Variants in NUDT7 observed in about 807,000 individuals in gnomAD.
NUDT7 encodes peroxisomal coenzyme A diphosphatase NUDT7.
A neutral mutation model predicts 13.1 loss-of-function variants in NUDT7; 19 were observed. That is an observed-to-expected ratio of 1.45 (90% CI 1.01 to 2.13). The LOEUF is 2.13. Among genes scored for constraint, NUDT7 ranks in the 30% most tolerant of loss-of-function variants. The pLI is 0.00. For missense variants in NUDT7, 360 were observed against 291.7 expected, an observed-to-expected ratio of 1.23 and a Z score of -1.71; for synonymous variants, 132 against 109.7, an observed-to-expected ratio of 1.20 and a Z score of -1.27.
intron 1 of NUDT7, among the ~76,000 whole-genome samples, 192 bp from the exon 2 acceptor site, chr16:77,725,239 T>C (rs3743756): frequency 0.12 from 18,250 of 152,222 alleles, 1,171 homozygotes; most frequent in East Asian, 0.23. Flanking sequence ...GAAGGTTTTT[T>C]TGTCATTTTC....
At chr16:77,725,721 A>G (rs1378937899) in intron 2 of NUDT7, 137 bp downstream of exon 2, 22 of 662,136 alleles carry the variant, frequency 3.3e-5, no homozygotes, top group Admixed American at 6.0e-5. Flanking sequence ...GCATACAACC[A>G]CAAGCCACAG....
chr16:77,727,582 C>CGGTG (rs1380035737), intron 2 of NUDT7, among the ~76,000 whole-genome samples: 5 of 152,180 alleles, frequency 3.3e-5, no homozygotes, highest in Non-Finnish European at 7.3e-5. Context: ...TGGCCGTGTG[C>CGGTG]GGTGGCTCAC....
chr16:77,724,938 G>A (rs1597109808), intron 1 of NUDT7, among the ~76,000 whole-genome samples: 1 of 152,278 alleles, frequency 6.6e-6, no homozygotes, highest in East Asian at 1.9e-4. Context: ...TCACAGTCTG[G>A]GACTGAACCT....
chr16:77,725,032 TAA>T (rs1041238276), intron 1 of NUDT7, among the ~76,000 whole-genome samples: 3 of 152,188 alleles, frequency 2.0e-5, no homozygotes, highest in Non-Finnish European at 4.4e-5. Flanking sequence ...GTTGAAGACA[TAA>T]GAGTTTGAGA....
intron 2 of NUDT7, chr16:77,735,540 T>C: frequency 1.8e-6 from 1 of 545,592 alleles, no homozygotes; most frequent in Non-Finnish European, 3.3e-6. Context: ...CTTTATAAAC[T>C]ACCCAGTCTC....
intron 2 of NUDT7, among the ~76,000 whole-genome samples, chr16:77,733,058 A>G (rs1044264564): frequency 2.6e-5 from 4 of 152,188 alleles, no homozygotes; most frequent in African/African-American, 9.7e-5. Context: ...GAAGATGTCT[A>G]AGGATTTAGC....
At chr16:77,725,347 C>A in intron 1 of NUDT7, 84 bp from the exon 2 acceptor site, 1 of 1,289,896 alleles carries the variant, frequency 7.8e-7, no homozygotes, top group Non-Finnish European at 1.1e-6. Context: ...AAATACACAA[C>A]AAAGCAGAAA....
At chr16:77,734,623 AAAAAG>A (rs369228495) in intron 2 of NUDT7, among the ~76,000 whole-genome samples, 11 of 152,304 alleles carry the variant, frequency 7.2e-5, no homozygotes, top group East Asian at 3.9e-4. Flanking sequence ...CTCCATGTCA[AAAAAG>A]AAAAGAAAAG....
At chr16:77,739,075 G>A (rs1475478602) in intron 3 of NUDT7, among the ~76,000 whole-genome samples, 1 of 152,142 alleles carries the variant, frequency 6.6e-6, no homozygotes, top group African/African-American at 2.4e-5. Flanking sequence ...ACATTGTTGG[G>A]GCTCTGTCCA....
rs1289293755 is a variant in NUDT7 at position 77,722,600 on chromosome 16, TC to T, written c.21del (p.Glu8ArgfsTer9). 2.5e-6 allele frequency: 4 copies of T among 1,594,002 alleles called. No individual in the cohort carries two copies. The highest frequency in any genetic ancestry group is 3.4e-6 in the Non-Finnish European group (4 of 1,169,878). On this transcript the variant is annotated frameshift_variant, in exon 1 of 4. Coordinates refer to ENST00000268533, the MANE Select transcript of NUDT7 (RefSeq NM_001105663.3). LOFTEE classifies it high-confidence loss of function. ...CCAGGGCAATGTCACGACTTGGTCT[TC>T]CCGAGGAGCCAGTCAGGTAAAGGCT... MSRLGL[P>X]EEPVRNSLLD...
intron 2 of NUDT7, among the ~76,000 whole-genome samples, chr16:77,728,905 C>T (rs973032443): frequency 2.6e-5 from 3 of 116,208 alleles, no homozygotes; most frequent in South Asian, 5.4e-4. Context: ...TTCTCCCCCA[C>T]ACCCTTGACC....
chr16:77,727,666 C>G (rs1028007084), intron 2 of NUDT7, among the ~76,000 whole-genome samples: 1 of 152,242 alleles, frequency 6.6e-6, no homozygotes. Context: ...ACCAGTCTGG[C>G]CAACATGGCG....
intron 3 of NUDT7, 101 bp downstream of exon 3, chr16:77,736,087 T>A: frequency 8.9e-7 from 1 of 1,124,398 alleles, no homozygotes; most frequent in African/African-American, 1.5e-5. Flanking sequence ...CAAAGAGTAC[T>A]GTACATAAAG....
chr16:77,723,137 TC>T (rs66894764), intron 1 of NUDT7, among the ~76,000 whole-genome samples: 35,056 of 152,118 alleles, frequency 0.23, 4,499 homozygotes, highest in East Asian at 0.35. Flanking sequence ...TGGTGATTAT[TC>T]CAGCGGCCAG....
chr16:77,734,651 G>A (rs2014423156), intron 2 of NUDT7, among the ~76,000 whole-genome samples: 1 of 151,980 alleles, frequency 6.6e-6, no homozygotes, highest in Non-Finnish European at 1.5e-5. Flanking sequence ...TAGCTTACCT[G>A]CCCATCAATG....
chr16:77,725,133 A>G (rs1167943163), intron 1 of NUDT7, among the ~76,000 whole-genome samples: 1 of 152,260 alleles, frequency 6.6e-6, no homozygotes, highest in Admixed American at 6.5e-5. Flanking sequence ...TCTGAATATA[A>G]TTATGGGTTT....
intron 3 of NUDT7, chr16:77,736,811 TACTA>T (rs1389394309): frequency 1.3e-5 from 2 of 159,998 alleles, no homozygotes; most frequent in Non-Finnish European, 2.8e-5. Context: ...CTCATTGTTT[TACTA>T]ACTGACTTTA....
At chr16:77,734,778 A>AAAATGCCAG (rs895939461) in intron 2 of NUDT7, among the ~76,000 whole-genome samples, 3 of 152,234 alleles carry the variant, frequency 2.0e-5, no homozygotes, top group African/African-American at 7.2e-5. Flanking sequence ...TGTGAAGGGA[A>AAAATGCCAG]AAATGCCAGA....
intron 2 of NUDT7, among the ~76,000 whole-genome samples, chr16:77,727,454 G>A (rs2014172914): frequency 6.6e-6 from 1 of 152,246 alleles, no homozygotes; most frequent in Non-Finnish European, 1.5e-5. Context: ...GGACATGATA[G>A]AAATCCAGGT....
Sources: gnomAD v4.1 joint callset for allele counts (sites outside exome capture counted in the v4.1 genomes callset) on GRCh38, gnomAD v4.1.1 for gene constraint, MANE v1.5 for transcripts, NCBI Gene and HGNC (gene_info 2026-07-23, HGNC 2026-07-21) for gene names.